LTK: variants seen among roughly 807,000 people sequenced by gnomAD.
The protein encoded by LTK is leukocyte receptor tyrosine kinase, also known as leukocyte tyrosine kinase receptor.
Under a neutral mutation model 101.5 loss-of-function variants are expected in LTK, and 117 were observed. The observed-to-expected ratio is 1.15, with a 90% CI of 0.99 to 1.34. The LOEUF is 1.34. Ranked by LOEUF, LTK falls within the 40% of genes most tolerant of loss-of-function variation. The probability of loss-of-function intolerance (pLI) is 0.00; values close to 1 mark genes in which losing one functional copy is unlikely to be tolerated. For synonymous variants in LTK, 563 were observed against 494.2 expected (o/e 1.14, Z -1.85); for missense variants, 1,252 against 1,164.7 (o/e 1.07, Z -1.09).
At position 41,507,662 on chromosome 15, in the gene LTK, G is replaced by A; in HGVS notation, c.1250-5C>T. ...GGCCTGGGGGCTTGTGCAGGTCTAGGGAGAAAGAGAGACACCTCCAGTGGG... is the reference window on the plus strand; with the variant it reads ...GGCCTGGGGGCTTGTGCAGGTCTAGAGAGAAAGAGAGACACCTCCAGTGGG... On this transcript the variant is annotated splice_polypyrimidine_tract_variant and splice_region_variant and intron_variant, in intron 9 of 19. Coordinates refer to ENST00000263800, the MANE Select transcript of LTK (RefSeq NM_002344.6). The A allele has an allele frequency of 6.2e-7, 1 of 1,611,704 alleles. No homozygotes were observed. Among genetic ancestry groups the A allele is most frequent in the Non-Finnish European group, 8.5e-7 (1 of 1,179,120 alleles).
chr15:41,506,231 G>T (rs937114475), intron 11 of LTK, among the ~76,000 whole-genome samples: 4 of 152,252 alleles, frequency 2.6e-5, no homozygotes, highest in Non-Finnish European at 5.9e-5. Context: ...AGTCAAGGTG[G>T]GAGTGCATGA....
chr15:41,512,725 G>A lies in LTK; in HGVS notation c.341C>T (p.Pro114Leu), dbSNP rs761710407. 1.9e-6 allele frequency: 3 copies of A among 1,597,810 alleles called. No homozygotes were observed. The highest frequency in any genetic ancestry group is 2.6e-6 in the Non-Finnish European group (3 of 1,174,314). The change falls in exon 3 of 20, where the codon CCG becomes CTG. Residue 114 changes from proline (P) to leucine (L), a missense_variant. Physicochemically the swap from Pro to Leu is moderately conservative, Grantham distance 98 (BLOSUM62 -3). Transcript: ENST00000263800. ...QLRGVQLWRV[P>L]GPGQYLISAY... ...CACTTACAGATACTGGCCAGGGCCCGGCACGCGCCACAGCTGCACGCCTCT... is the reference window on the plus strand; with the variant it reads ...CACTTACAGATACTGGCCAGGGCCCAGCACGCGCCACAGCTGCACGCCTCT...
chr15:41,508,072 T>C lies in LTK; in HGVS notation c.1246A>G (p.Met416Val), dbSNP rs1228470441. The C allele has an allele frequency of 2.5e-6, 4 of 1,602,534 alleles. No homozygotes were observed. The highest frequency in any genetic ancestry group is 2.6e-6 in the Non-Finnish European group (3 of 1,174,374). Reference sequence around the variant, plus strand: ...CTTGGGCAAAGGTAGGACATACCCATGCAGGTGACGTTATCCACAGCTAGC... The same window carrying C: ...CTTGGGCAAAGGTAGGACATACCCACGCAGGTGACGTTATCCACAGCTAGC... ...MELAVDNVTC[M>V]DLHKPPGPLV... Residue 416 changes from methionine to valine, a missense_variant, in exon 9 of 20, where the codon ATG becomes GTG. Coordinates refer to ENST00000263800, the MANE Select transcript of LTK (RefSeq NM_002344.6).
chr15:41,512,565 G>T, intron 3 of LTK, 142 bp downstream of exon 3: 1 of 1,128,392 alleles, frequency 8.9e-7, no homozygotes, highest in Admixed American at 3.0e-5. Flanking sequence ...GGCGACTACT[G>T]CCACCTTGAA....
chr15:41,513,265 T>C, intron 1 of LTK, 145 bp from the exon 2 acceptor site: 1 of 990,754 alleles, frequency 1.0e-6, no homozygotes, highest in Admixed American at 3.2e-5. Flanking sequence ...TGGAAGCCAC[T>C]ACCCGACTCC....
chr15:41,512,270 G>A lies in LTK; in HGVS notation c.360-5C>T, dbSNP rs897962923. 3.1e-6 allele frequency: 5 copies of A among 1,610,462 alleles called. No homozygotes were observed. The highest frequency in any genetic ancestry group is 1.3e-5 in the African/African-American group (1 of 74,838). On this transcript the variant is annotated splice_region_variant and splice_polypyrimidine_tract_variant and intron_variant, in intron 3 of 19. Coordinates refer to ENST00000263800, the MANE Select transcript of LTK (RefSeq NM_002344.6). ...GCGGCTCCGTAGGCTGAGATCCTGC[G>A]GGGAACGGACGGTGAGTCCCCGGCC...
At chr15:41,507,956 C>T in intron 9 of LTK, 113 bp downstream of exon 9, 1 of 1,174,756 alleles carries the variant, frequency 8.5e-7, no homozygotes, top group Non-Finnish European at 1.2e-6. Flanking sequence ...TGCCCAGCAC[C>T]CACCACAGGG....
Position 41,503,864 on chromosome 15 carries a change from G to A in LTK, c.*132C>T, listed in dbSNP as rs776645019. The stretch of plus-strand genomic sequence containing the variant: ...AGTGCAGCGCTGCCAGGCCAGCCCC[G>A]AGACAGGCCCAGACACACAGCACAG... On this transcript the variant is annotated 3_prime_UTR_variant, in exon 20 of 20. Coordinates refer to ENST00000263800, the MANE Select transcript of LTK (RefSeq NM_002344.6). 12 of 1,136,462 alleles carry A rather than the reference G, an allele frequency of 1.1e-5. No homozygotes were observed. The highest frequency in any genetic ancestry group is 4.7e-5 in the African/African-American group (3 of 63,888). The allele number at this position is 1,136,462 out of a possible 1,614,324, so 70.4% of individuals were successfully genotyped here.
At position 41,503,845 on chromosome 15, in the gene LTK, G is replaced by A; in HGVS notation, c.*151C>T. On this transcript the variant is annotated 3_prime_UTR_variant, in exon 20 of 20. Transcript: ENST00000263800. ...GCTGGTTTCCAGCATGGCAAGTGCA[G>A]CGCTGCCAGGCCAGCCCCGAGACAG... is the stretch of plus-strand genomic sequence containing the variant. 2 of 935,440 alleles carry A rather than the reference G, an allele frequency of 2.1e-6. No homozygotes were observed. Among genetic ancestry groups the A allele is most frequent in the Non-Finnish European group, 3.1e-6 (2 of 641,270 alleles). The allele number at this position is 935,440 out of a possible 1,614,324, so 57.9% of individuals were successfully genotyped here. A position where few individuals can be genotyped will look rare whatever the true frequency, so the allele number is the denominator to read the frequency against.
chr15:41,507,922 T>G (rs954840622), intron 9 of LTK, 147 bp downstream of exon 9: 2 of 829,416 alleles, frequency 2.4e-6, no homozygotes, highest in Non-Finnish European at 3.7e-6. Flanking sequence ...AAAGGCACTG[T>G]GCACCGATGA....
Position 41,507,207 on chromosome 15 carries a change from T to C in LTK, c.1429A>G (p.Ile477Val), listed in dbSNP as rs2051314753. 5 of 1,613,862 alleles carry C rather than the reference T, an allele frequency of 3.1e-6. No homozygotes were observed. The highest frequency in any genetic ancestry group is 4.2e-6 in the Non-Finnish European group (5 of 1,179,934). The change falls in exon 11 of 20, where the codon ATC becomes GTC. Residue 477 changes from isoleucine to valine, a missense_variant. Transcript: ENST00000263800. ...TAATAGGGATTGGGGGCTGTCCTGA[T>C]GGCAGAGGTTCGAAGCTTGCTCAGC... The part of the protein sequence containing the change: ...LELSKLRTSA[I>V]RTAPNPYYCQ...
At chr15:41,508,337 G>T in intron 8 of LTK, 116 bp from the exon 9 acceptor site, 1 of 836,202 alleles carries the variant, frequency 1.2e-6, no homozygotes, top group Non-Finnish European at 1.8e-6. Flanking sequence ...GGGAGGCCGT[G>T]GTGAGCGGAT....
intron 11 of LTK, 71 bp from the exon 12 acceptor site, chr15:41,506,076 C>A: frequency 1.0e-6 from 1 of 962,648 alleles, no homozygotes; most frequent in South Asian, 1.4e-5. Context: ...CTAGTACCCC[C>A]TTTACCTCCC....
chr15:41,511,714 GCA>G lies in LTK; in HGVS notation c.657+101_657+102del. ...CCAGCCCAGGCCAGCCCAGCCCAGC[GCA>G]GGGATAGGGGGACCCCAAGGGACGG... On this transcript the variant is annotated intron_variant, in intron 5 of 19. Transcript: ENST00000263800. The surrounding 1 kb of genome is among the most constrained non-coding windows in gnomAD (Gnocchi z 5.9). 1 of 1,429,050 alleles carries G rather than the reference GCA, an allele frequency of 7.0e-7. No individual in the cohort carries two copies. Among genetic ancestry groups the G allele is most frequent in the Non-Finnish European group, 9.1e-7 (1 of 1,100,494 alleles). 88.5% of individuals were successfully genotyped at this position (1,429,050 alleles called of 1,614,324 possible). A position where few individuals can be genotyped will look rare whatever the true frequency, so the allele number is the denominator to read the frequency against.
Position 41,507,600 on chromosome 15 carries a change from G to T in LTK, c.1307C>A (p.Thr436Lys). ...VLMVAVVATS[T>K]LSLLMVCGVL... ...CCCACACACCATAAGGAGGCTCAGT[G>T]TTGAGGTTGCCACCACAGCCACCAT... The change falls in exon 10 of 20, where the codon ACA becomes AAA. Residue 436 changes from threonine to lysine, a missense_variant. Transcript: ENST00000263800. The T allele has an allele frequency of 1.2e-6, 2 of 1,614,016 alleles. No homozygotes were observed. Among genetic ancestry groups the T allele is most frequent in the Middle Eastern group, 1.6e-4 (1 of 6,062 alleles).
rs2051151958 is a variant in LTK at position 41,503,704 on chromosome 15, C to G, written c.*292G>C. 1 of 643,030 alleles carries G rather than the reference C, an allele frequency of 1.6e-6. No individual in the cohort carries two copies. Among genetic ancestry groups the G allele is most frequent in the Admixed American group, 1.9e-5 (1 of 51,282 alleles). The allele number at this position is 643,030 out of a possible 1,614,324, so 39.8% of individuals were successfully genotyped here. Reference sequence around the variant, plus strand: ...GGGGGGTCTGCCCAGATGAAGGATGCTCATAATGGGAGAGCAATCCAGTGC... The same window carrying G: ...GGGGGGTCTGCCCAGATGAAGGATGGTCATAATGGGAGAGCAATCCAGTGC... On this transcript the variant is annotated 3_prime_UTR_variant, in exon 20 of 20. Transcript: ENST00000263800.
rs1308272365 is a variant in LTK, at chr15:41,505,993, A to G, written c.1554T>C (p.His518=). 6.2e-7 allele frequency: 1 copy of G among 1,613,536 alleles called. No homozygotes were observed. Among genetic ancestry groups the G allele is most frequent in the East Asian group, 2.2e-5 (1 of 44,874 alleles). The change falls in exon 12 of 20, where the codon CAT becomes CAC. Residue 518 remains histidine (H), a synonymous_variant. Transcript: ENST00000263800. ...ANVTLLRALG[H]GAFGEVYEGL... is the part of the protein sequence containing the mutation. ...CCTCATACACCTCCCCAAAGGCACC[A>G]TGGCCCAGGGCTCTGCAGGAAGACA...
intron 14 of LTK, 38 bp from the exon 15 acceptor site, chr15:41,505,343 T>C: frequency 1.2e-6 from 2 of 1,612,110 alleles, no homozygotes; most frequent in Non-Finnish European, 1.7e-6. Flanking sequence ...CATGTAGGTC[T>C]CAGACACATG....
rs2051310789 is a variant in LTK, at chr15:41,507,125, TC to T, written c.1510del (p.Glu504ArgfsTer26). ...QSWPLPPGVT[E>X]VSPANVTLLR... ...CAGAGTAACATTGGCTGGGGAAACCTCGGTGACACCTGGTGGCAGAGGCCAG... is the reference window on the plus strand; with the variant it reads ...CAGAGTAACATTGGCTGGGGAAACCTGGTGACACCTGGTGGCAGAGGCCAG... On this transcript the variant is annotated frameshift_variant, in exon 11 of 20. Transcript: ENST00000263800. LOFTEE classifies it high-confidence loss of function. The T allele has an allele frequency of 6.2e-7, 1 of 1,613,452 alleles. No homozygotes were observed. Among genetic ancestry groups the T allele is most frequent in the Non-Finnish European group, 8.5e-7 (1 of 1,179,910 alleles).
Sources: gnomAD v4.1 joint callset for allele counts (sites outside exome capture counted in the v4.1 genomes callset) on GRCh38, gnomAD v4.1.1 for gene constraint, Gnocchi (gnomAD v3.1) non-coding constraint, MANE v1.5 for transcripts, NCBI Gene and HGNC (gene_info 2026-07-23, HGNC 2026-07-21) for gene names.